The following EBF2 variants were observed in gnomAD, a reference collection of about 807,000 sequenced individuals.
The protein encoded by EBF2 is EBF transcription factor 2.
A neutral mutation model predicts 72.8 loss-of-function variants in EBF2; 21 were observed. The ratio of observed to expected loss-of-function variants is 0.29; its 90% confidence interval spans 0.20 to 0.42. The LOEUF is 0.42. Ranked by LOEUF, EBF2 falls within the 10% of genes least tolerant of loss-of-function variation. EBF2 has a pLI of 1.00. For synonymous variants in EBF2, 299 were observed against 274.2 expected, an observed-to-expected ratio of 1.09 and a Z score of -0.89; for missense variants, 637 against 731.2, an observed-to-expected ratio of 0.87 and a Z score of 1.49.
In EBF2 at chr8:26,039,984, A is replaced by C. The variant is rs199837505; in HGVS notation, c.482+44T>G. ...CGGCGCGCCAAGGCGGGGCTGGAGC[A>C]CCTGCGGGCTCTCCAGGAAGGCCTG... On this transcript the variant is annotated intron_variant, in intron 5 of 15. Coordinates refer to ENST00000520164, the MANE Select transcript of EBF2 (RefSeq NM_022659.4). 6.3e-6 allele frequency: 10 copies of C among 1,595,418 alleles called. No individual in the cohort carries two copies. The African/African-American group carries it at 1.1e-4, about 17-fold the overall frequency.
chr8:25,922,268 A>C (rs1171569921), intron 6 of EBF2, among the ~76,000 whole-genome samples: 2 of 151,432 alleles, frequency 1.3e-5, no homozygotes, highest in Non-Finnish European at 2.9e-5. Flanking sequence ...AAAAACAAAC[A>C]AAAAAAACAC....
chr8:25,885,217 T>TTAA (rs1802670287), intron 10 of EBF2, among the ~76,000 whole-genome samples: 1 of 151,846 alleles, frequency 6.6e-6, no homozygotes, highest in Non-Finnish European at 1.5e-5. Context: ...TCCTTTTTTT[T>TTAA]TTAACTTTAA....
intron 5 of EBF2, 144 bp from the exon 6 acceptor site, chr8:26,033,297 T>A (rs1585235081): frequency 2.7e-6 from 2 of 736,188 alleles, no homozygotes; most frequent in South Asian, 3.3e-5. Context: ...TGCCTCCTTC[T>A]TGGCTCACCA....
chr8:25,996,048 C>T (rs912497112), intron 6 of EBF2, among the ~76,000 whole-genome samples: 1 of 152,078 alleles, frequency 6.6e-6, no homozygotes. Flanking sequence ...GATCCCAACA[C>T]TTTGGGAAGC....
intron 7 of EBF2, among the ~76,000 whole-genome samples, chr8:25,893,569 C>G (rs1259995379): frequency 2.6e-5 from 4 of 152,120 alleles, no homozygotes; most frequent in Non-Finnish European, 5.9e-5. Context: ...TGAGCCACCG[C>G]ACCCAGCCAT....
At chr8:25,963,417 T>A (rs1344298647) in intron 6 of EBF2, among the ~76,000 whole-genome samples, 1 of 152,182 alleles carries the variant, frequency 6.6e-6, no homozygotes, top group South Asian at 2.1e-4. Context: ...TCTTCCCGAG[T>A]GCCAGCAGGT....
chr8:25,903,899 A>T (rs969130986), intron 7 of EBF2, among the ~76,000 whole-genome samples: 1 of 152,204 alleles, frequency 6.6e-6, no homozygotes. Flanking sequence ...GATGCCCAGA[A>T]GGAAGCTAGC....
At chr8:26,023,924 G>T (rs935451378) in intron 6 of EBF2, among the ~76,000 whole-genome samples, 1 of 152,134 alleles carries the variant, frequency 6.6e-6, no homozygotes, top group Non-Finnish European at 1.5e-5. Context: ...CATCCTCAAA[G>T]TTCTGTCTCC....
intron 6 of EBF2, among the ~76,000 whole-genome samples, chr8:25,948,536 AG>A (rs1803808530): frequency 6.6e-6 from 1 of 152,216 alleles, no homozygotes; most frequent in Non-Finnish European, 1.5e-5. Flanking sequence ...TAAATCTCCA[AG>A]TGATGCGACA....
intron 6 of EBF2, among the ~76,000 whole-genome samples, chr8:26,013,858 C>A (rs186438281): frequency 6.6e-6 from 1 of 152,164 alleles, no homozygotes; most frequent in Non-Finnish European, 1.5e-5. Context: ...GTTTCTCCAA[C>A]AACTGTATCA....
chr8:25,950,586 G>A (rs550897488), intron 6 of EBF2, among the ~76,000 whole-genome samples: 2 of 152,200 alleles, frequency 1.3e-5, no homozygotes, highest in Non-Finnish European at 2.9e-5. Flanking sequence ...CCTAAGTGTG[G>A]TTGCACAGGA....
At chr8:25,955,441 A>C (rs1163721091) in intron 6 of EBF2, among the ~76,000 whole-genome samples, 12 of 151,852 alleles carry the variant, frequency 7.9e-5, no homozygotes, top group Non-Finnish European at 1.5e-5. Context: ...ATTTTGTGAG[A>C]CTCTAAGCAT....
intron 14 of EBF2, among the ~76,000 whole-genome samples, chr8:25,851,853 TG>T (rs1220574090): frequency 6.6e-6 from 1 of 152,208 alleles, no homozygotes; most frequent in Non-Finnish European, 1.5e-5. Context: ...CAAGGTGAAC[TG>T]AAGGTCAAAT....
intron 6 of EBF2, among the ~76,000 whole-genome samples, chr8:25,966,279 G>A (rs1457794185): frequency 6.6e-6 from 1 of 152,232 alleles, no homozygotes; most frequent in Non-Finnish European, 1.5e-5. Context: ...AAGAACAGGT[G>A]TATTTGGCAT....
intron 5 of EBF2, 52 bp downstream of exon 5, chr8:26,039,976 G>C: frequency 6.3e-7 from 1 of 1,586,914 alleles, no homozygotes; most frequent in Non-Finnish European, 8.6e-7. Context: ...CCAAGGCGGG[G>C]CTGGAGCACC....
chr8:25,890,205 A>G (rs1201268823), intron 7 of EBF2, among the ~76,000 whole-genome samples: 2 of 152,152 alleles, frequency 1.3e-5, no homozygotes, highest in Non-Finnish European at 2.9e-5. Context: ...CCACCACAGA[A>G]AGCTGGTGTG....
intron 6 of EBF2, among the ~76,000 whole-genome samples, chr8:25,921,738 C>G (rs554841872): frequency 1.3e-5 from 2 of 152,206 alleles, no homozygotes; most frequent in African/African-American, 4.8e-5. Context: ...GCAGAGGACA[C>G]TACCTAATTA....
At chr8:25,856,826 A>T (rs1802104487) in intron 14 of EBF2, among the ~76,000 whole-genome samples, 1 of 152,220 alleles carries the variant, frequency 6.6e-6, no homozygotes, top group Non-Finnish European at 1.5e-5. Context: ...CTTATAACAA[A>T]TAGTGTTTCT....
chr8:25,906,795 CAAAA>C (rs1243592973), intron 7 of EBF2, among the ~76,000 whole-genome samples: 23 of 133,826 alleles, frequency 1.7e-4, no homozygotes, highest in South Asian at 1.4e-3. Flanking sequence ...AACAAACAAA[CAAAA>C]AAAGGCAGGG....
Sources: allele counts gnomAD v4.1 joint callset (sites outside exome capture counted in the v4.1 genomes callset), GRCh38; gene constraint gnomAD v4.1.1; transcripts MANE v1.5; gene names NCBI Gene and HGNC (gene_info 2026-07-23, HGNC 2026-07-21).